GABBR2: variants seen among roughly 807,000 people sequenced by gnomAD.
GABBR2 encodes G-protein coupled receptor 51.
Under a neutral mutation model 105.6 loss-of-function variants are expected in GABBR2, and 23 were observed. The ratio of observed to expected loss-of-function variants is 0.22; its 90% CI spans 0.16 to 0.31. The LOEUF (loss-of-function observed/expected upper bound fraction) is 0.31. Ranked by LOEUF, GABBR2 falls within the 10% of genes least tolerant of loss-of-function variation. GABBR2 has a pLI of 1.00. For synonymous variants in GABBR2, 478 were observed against 499.7 expected (o/e 0.96, Z 0.58); for missense variants, 734 against 1,245.5 (o/e 0.59, Z 6.18).
At chr9:98,663,001 C>A (rs960321729) in intron 1 of GABBR2, among the ~76,000 whole-genome samples, 2 of 152,166 alleles carry the variant, frequency 1.3e-5, no homozygotes, top group African/African-American at 4.8e-5. Context: ...GGGAATGGAG[C>A]ATCAGGTTGA....
intron 2 of GABBR2, among the ~76,000 whole-genome samples, chr9:98,576,049 C>T (rs2778904): frequency 0.12 from 17,938 of 152,268 alleles, 1,395 homozygotes; most frequent in Admixed American, 0.21. Context: ...GAGGGGCCCT[C>T]GCCCGGGCCC....
At chr9:98,394,139 G>T (rs372833360) in intron 9 of GABBR2, 36 bp downstream of exon 9, 20 of 1,456,726 alleles carry the variant, frequency 1.4e-5, no homozygotes, top group Non-Finnish European at 1.8e-5. Flanking sequence ...GAGCAACTGG[G>T]CAGGCCCCCT....
At chr9:98,385,359 T>G (rs1184358078) in intron 11 of GABBR2, among the ~76,000 whole-genome samples, 2 of 152,222 alleles carry the variant, frequency 1.3e-5, no homozygotes, top group Non-Finnish European at 2.9e-5. Context: ...TACACCAGCA[T>G]GCCTGGCTAA....
intron 1 of GABBR2, among the ~76,000 whole-genome samples, chr9:98,615,900 G>C (rs1429621656): frequency 6.6e-6 from 1 of 152,206 alleles, no homozygotes; most frequent in Non-Finnish European, 1.5e-5. Flanking sequence ...TGTCATCTAT[G>C]AACTAGGTGA....
chr9:98,464,077 G>A (rs934524755), intron 6 of GABBR2, among the ~76,000 whole-genome samples: 4 of 152,036 alleles, frequency 2.6e-5, no homozygotes, highest in South Asian at 2.1e-4. Flanking sequence ...AGTGAGCAGC[G>A]TCTCTGCCTG....
intron 11 of GABBR2, among the ~76,000 whole-genome samples, chr9:98,378,042 T>G (rs1831908688): frequency 6.6e-6 from 1 of 152,220 alleles, no homozygotes; most frequent in Non-Finnish European, 1.5e-5. Flanking sequence ...TACATTGTTT[T>G]ACTTCTCAAC....
chr9:98,452,969 C>T (rs1203509146), intron 7 of GABBR2, among the ~76,000 whole-genome samples: 4 of 152,222 alleles, frequency 2.6e-5, no homozygotes, highest in Admixed American at 1.3e-4. Context: ...TCCTGGCCCA[C>T]CCCAGCCCAC....
At chr9:98,420,344 G>A (rs962648547) in intron 7 of GABBR2, among the ~76,000 whole-genome samples, 2 of 152,180 alleles carry the variant, frequency 1.3e-5, no homozygotes, top group Non-Finnish European at 2.9e-5. Context: ...AGCCGGCCTC[G>A]ACTGACTCTC....
intron 13 of GABBR2, among the ~76,000 whole-genome samples, chr9:98,322,609 C>T (rs1830843263): frequency 6.6e-6 from 1 of 151,854 alleles, no homozygotes; most frequent in South Asian, 2.1e-4. Flanking sequence ...ATCTGACCCC[C>T]CCATACCCGT....
chr9:98,397,209 A>G (rs541332024), intron 8 of GABBR2, among the ~76,000 whole-genome samples: 2 of 152,330 alleles, frequency 1.3e-5, no homozygotes, highest in South Asian at 2.1e-4. Context: ...ATGATAAAGC[A>G]TCTCTCAAAA....
At chr9:98,586,362 T>C (rs2131789974) in intron 1 of GABBR2, among the ~76,000 whole-genome samples, 1 of 151,410 alleles carries the variant, frequency 6.6e-6, no homozygotes, top group Admixed American at 6.6e-5. Flanking sequence ...TGCAATGGCA[T>C]GATCTTGGCT....
chr9:98,509,008 G>C (rs1374997865), intron 3 of GABBR2, among the ~76,000 whole-genome samples: 1 of 152,204 alleles, frequency 6.6e-6, no homozygotes, highest in African/African-American at 2.4e-5. Flanking sequence ...GCCTAACTGG[G>C]AGGCACACCC....
At chr9:98,535,748 G>A (rs1828165169) in intron 3 of GABBR2, among the ~76,000 whole-genome samples, 1 of 152,162 alleles carries the variant, frequency 6.6e-6, no homozygotes, top group Admixed American at 6.5e-5. Context: ...AAAGTTAAAT[G>A]CGTATTAAAG....
chr9:98,601,281 C>G (rs1829327473), intron 1 of GABBR2, among the ~76,000 whole-genome samples: 1 of 152,160 alleles, frequency 6.6e-6, no homozygotes, highest in African/African-American at 2.4e-5. Context: ...CTTCGGGAGG[C>G]CAAAAAGGGA....
intron 2 of GABBR2, among the ~76,000 whole-genome samples, chr9:98,562,181 A>G (rs1251147828): frequency 2.0e-5 from 3 of 152,250 alleles, no homozygotes; most frequent in East Asian, 1.9e-4. Flanking sequence ...AGAACACAGC[A>G]TAAAAAATGT....
chr9:98,312,778 G>C (rs1433302046), intron 13 of GABBR2, among the ~76,000 whole-genome samples: 2 of 151,832 alleles, frequency 1.3e-5, no homozygotes, highest in African/African-American at 4.8e-5. Context: ...TTTTGAGATA[G>C]AGTCTCTGTC....
intron 11 of GABBR2, among the ~76,000 whole-genome samples, chr9:98,378,287 C>T (rs1335654496): frequency 6.6e-6 from 1 of 152,132 alleles, no homozygotes; most frequent in Non-Finnish European, 1.5e-5. Context: ...CCTGCCCCAC[C>T]CCTGCCTAGC....
rs767249966 is a variant in GABBR2 at position 98,370,551 on chromosome 9, G to A, written c.1770+913C>T. Among the ~76,000 whole-genome samples, 52 of 152,322 alleles carry A rather than the reference G, an allele frequency of 3.4e-4. 1 individual carries two copies. Among genetic ancestry groups the A allele is most frequent in the Admixed American group, 2.8e-3 (43 of 15,310 alleles). ...GGCTGGCCAAAGACAGAAGCGGCCAGCCTATACTCCTTTTCCCAAGGCAGG... is the reference window on the plus strand; with the variant it reads ...GGCTGGCCAAAGACAGAAGCGGCCAACCTATACTCCTTTTCCCAAGGCAGG... On this transcript the variant is annotated intron_variant, in intron 12 of 18. Coordinates refer to ENST00000259455, the MANE Select transcript of GABBR2 (RefSeq NM_005458.8).
At chr9:98,521,761 G>C (rs1827871042) in intron 3 of GABBR2, among the ~76,000 whole-genome samples, 1 of 152,034 alleles carries the variant, frequency 6.6e-6, no homozygotes, top group Non-Finnish European at 1.5e-5. Context: ...GAATCTAACA[G>C]CATCTAGATA....
Sources: gnomAD v4.1 joint callset for allele counts (sites outside exome capture counted in the v4.1 genomes callset) on GRCh38, gnomAD v4.1.1 for gene constraint, MANE v1.5 for transcripts, NCBI Gene and HGNC (gene_info 2026-07-23, HGNC 2026-07-21) for gene names.